Variants in COL22A1 observed in about 807,000 individuals in gnomAD.
COL22A1 encodes the protein collagen type XXII alpha 1 chain.
In COL22A1, 221 loss-of-function variants were observed where a neutral mutation model predicts 248.9. That is an observed-to-expected ratio of 0.89 (90% CI 0.80 to 0.99). COL22A1 has a LOEUF of 0.99. COL22A1 is among the 50% of genes least tolerant of loss of function. The pLI, the probability that COL22A1 is intolerant of heterozygous loss-of-function variation, is 0.00. For synonymous variants in COL22A1, 891 were observed against 793.4 expected (o/e 1.12, Z -2.07); for missense variants, 2,240 against 2,179.0 (o/e 1.03, Z -0.56).
At chr8:138,635,161 T>A in intron 48 of COL22A1, 98 bp from the exon 49 acceptor site, 1 of 971,994 alleles carries the variant, frequency 1.0e-6, no homozygotes, top group South Asian at 1.7e-5. Flanking sequence ...GAATCCACCT[T>A]CCAACCCTAC....
At chr8:138,793,640 G>A (rs920844326) in intron 12 of COL22A1, among the ~76,000 whole-genome samples, 2 of 152,176 alleles carry the variant, frequency 1.3e-5, no homozygotes, top group African/African-American at 2.4e-5. Context: ...TGCCAACATC[G>A]AAGATGTGAG....
At chr8:138,823,674 G>A (rs1346981482) in intron 6 of COL22A1, among the ~76,000 whole-genome samples, 1 of 152,228 alleles carries the variant, frequency 6.6e-6, no homozygotes, top group African/African-American at 2.4e-5. Flanking sequence ...TCACAGTGCT[G>A]GGATTACAGG....
intron 58 of COL22A1, among the ~76,000 whole-genome samples, chr8:138,605,487 G>A (rs555424771): frequency 2.6e-5 from 4 of 152,288 alleles, no homozygotes; most frequent in East Asian, 1.9e-4. Context: ...ATAAGCCCAC[G>A]TAAAAATCAG....
intron 7 of COL22A1, among the ~76,000 whole-genome samples, chr8:138,816,219 A>G (rs1158352997): frequency 6.6e-6 from 1 of 152,162 alleles, no homozygotes; most frequent in African/African-American, 2.4e-5. Context: ...TGGATTGGGG[A>G]TCTGGACAGA....
chr8:138,773,411 A>G (rs1834557702), intron 16 of COL22A1, among the ~76,000 whole-genome samples: 1 of 152,206 alleles, frequency 6.6e-6, no homozygotes, highest in African/African-American at 2.4e-5. Flanking sequence ...TTGTCTTCAC[A>G]CAACCTGGCT....
rs538174703 is a variant in COL22A1 at position 138,665,384 on chromosome 8, T to C, written c.3151-1644A>G. ...CAGGCTTTTTCTGTAAAGGGACAGA[T>C]AGTAAAGTGAAGGGGTAGAGAAGAA... On this transcript the variant is annotated intron_variant, in intron 41 of 64. Coordinates refer to ENST00000303045, the MANE Select transcript of COL22A1 (RefSeq NM_152888.3). 7.6e-4 allele frequency among the ~76,000 whole-genome samples: 116 copies of C among 152,280 alleles called. 5 individuals are homozygous for C. The highest frequency in any genetic ancestry group is 1.1e-3 in the Admixed American group (17 of 15,300).
At chr8:138,781,644 C>T (rs1393159700) in intron 12 of COL22A1, among the ~76,000 whole-genome samples, 1 of 152,182 alleles carries the variant, frequency 6.6e-6, no homozygotes, top group African/African-American at 2.4e-5. Context: ...AGACCAGCTC[C>T]TCACCCCACT....
intron 22 of COL22A1, among the ~76,000 whole-genome samples, chr8:138,749,924 T>C (rs1337488137): frequency 6.6e-6 from 1 of 152,140 alleles, no homozygotes; most frequent in African/African-American, 2.4e-5. Flanking sequence ...CACCCAAATC[T>C]CATCTTGAAT....
At chr8:138,652,010 A>T (rs779112271) in intron 45 of COL22A1, among the ~76,000 whole-genome samples, 5 of 152,158 alleles carry the variant, frequency 3.3e-5, no homozygotes, top group Non-Finnish European at 7.4e-5. Context: ...CCTACCTGTG[A>T]GGGAGCTAGA....
rs148779903 is a variant in COL22A1 at position 138,911,723 on chromosome 8, C to T, written c.-73+1896G>A. Reference sequence around the variant, plus strand: ...CTTAAAACTGTCTGTGGACTGCATCCGTTTAGGGGCCATTTACTTAATCAT... The same window carrying T: ...CTTAAAACTGTCTGTGGACTGCATCTGTTTAGGGGCCATTTACTTAATCAT... On this transcript the variant is annotated intron_variant, in intron 1 of 64. Coordinates refer to ENST00000303045, the MANE Select transcript of COL22A1 (RefSeq NM_152888.3). Among the ~76,000 whole-genome samples, 231 of 152,294 alleles carry T rather than the reference C, an allele frequency of 1.5e-3. 1 individual carries two copies. The highest frequency in any genetic ancestry group is 4.5e-3 in the African/African-American group (185 of 41,564).
intron 5 of COL22A1, among the ~76,000 whole-genome samples, chr8:138,831,244 G>A (rs1029729347): frequency 6.6e-6 from 1 of 152,044 alleles, no homozygotes; most frequent in Non-Finnish European, 1.5e-5. Flanking sequence ...ATGAGCTGGC[G>A]TTCAAAGCCA....
intron 32 of COL22A1, among the ~76,000 whole-genome samples, chr8:138,696,944 A>G (rs1405149290): frequency 2.6e-5 from 4 of 152,208 alleles, no homozygotes; most frequent in Admixed American, 2.0e-4. Context: ...CATTGGCAAC[A>G]CAATTCATAA....
chr8:138,647,229 A>T (rs553993556), intron 46 of COL22A1, among the ~76,000 whole-genome samples: 3 of 152,170 alleles, frequency 2.0e-5, no homozygotes, highest in Non-Finnish European at 4.4e-5. Context: ...CAACAGCCAC[A>T]AGAGTGAACC....
intron 56 of COL22A1, among the ~76,000 whole-genome samples, chr8:138,611,450 G>A (rs571320809): frequency 6.6e-6 from 1 of 152,196 alleles, no homozygotes; most frequent in Non-Finnish European, 1.5e-5. Flanking sequence ...GGGAGCTGGG[G>A]GGGACCCAGT....
At chr8:138,793,856 G>T (rs1816270325) in intron 12 of COL22A1, among the ~76,000 whole-genome samples, 1 of 152,184 alleles carries the variant, frequency 6.6e-6, no homozygotes, top group Non-Finnish European at 1.5e-5. Context: ...TCCCTGCCTG[G>T]TGACAGGAAC....
intron 39 of COL22A1, among the ~76,000 whole-genome samples, chr8:138,681,174 C>T (rs1331943991): frequency 6.6e-6 from 1 of 152,060 alleles, no homozygotes; most frequent in Non-Finnish European, 1.5e-5. Flanking sequence ...TAAAGCAGAC[C>T]CCACAGGGTG....
At chr8:138,814,472 A>G (rs1818510330) in intron 7 of COL22A1, among the ~76,000 whole-genome samples, 1 of 152,020 alleles carries the variant, frequency 6.6e-6, no homozygotes, top group Admixed American at 6.5e-5. Flanking sequence ...ATCACTCACC[A>G]TGGGGCACAG....
Position 138,693,681 on chromosome 8 carries a change from C to A in COL22A1, c.2719G>T (p.Gly907Cys). Residue 907 changes from glycine (G) to cysteine (C), a missense_variant, in exon 35 of 65, where the codon GGT becomes TGT. Coordinates refer to ENST00000303045, the MANE Select transcript of COL22A1 (RefSeq NM_152888.3). ...TGPPGAKGQE[G>C]AHGAPGAAGN... ...GCTGCTCCAGGAGCCCCATGTGCAC[C>A]TTCCTGTCCCTTGGCACCCTGCACA... 1 of 1,580,274 alleles carries A rather than the reference C, an allele frequency of 6.3e-7. No homozygotes were observed. The highest frequency in any genetic ancestry group is 8.6e-7 in the Non-Finnish European group (1 of 1,162,746).
chr8:138,725,115 C>A (rs1464230507), intron 24 of COL22A1, among the ~76,000 whole-genome samples: 1 of 152,232 alleles, frequency 6.6e-6, no homozygotes, highest in Non-Finnish European at 1.5e-5. Flanking sequence ...TCCGAATGGG[C>A]AACCCCAGGC....
Sources: gnomAD v4.1 joint callset for allele counts (sites outside exome capture counted in the v4.1 genomes callset) on GRCh38, gnomAD v4.1.1 for gene constraint, MANE v1.5 for transcripts, NCBI Gene and HGNC (gene_info 2026-07-23, HGNC 2026-07-21) for gene names.